The following KMT2D variants were observed in gnomAD, a reference collection of about 807,000 sequenced individuals.
The protein encoded by KMT2D is lysine methyltransferase 2D.
A neutral mutation model predicts 512.7 loss-of-function variants in KMT2D; 55 were observed. That is an observed-to-expected ratio of 0.11 (90% CI 0.09 to 0.13). KMT2D has a LOEUF of 0.13. Ranked by LOEUF, KMT2D falls within the 10% of genes least tolerant of loss-of-function variation. The pLI is 1.00. For synonymous variants in KMT2D, 2,995 were observed against 2,904.0 expected (o/e 1.03, Z -1.01); for missense variants, 6,061 against 7,127.9 (o/e 0.85, Z 5.39).
chr12:49,051,926 T>G lies in KMT2D; in HGVS notation c.1757A>C (p.Glu586Ala). The G allele has an allele frequency of 1.2e-6, 2 of 1,612,630 alleles. No individual in the cohort carries two copies. Among genetic ancestry groups the G allele is most frequent in the Non-Finnish European group, 1.7e-6 (2 of 1,179,574 alleles). The change falls in exon 11 of 55, where the codon GAA becomes GCA. Residue 586 changes from glutamate (E) to alanine (A), a missense_variant. Transcript: ENST00000301067. ...PEESPMSPPP[E>A]ESPMSPPPEA... ...CGGTGGTGGAGACATGGGTGACTCT[T>G]CAGGTGGAGGGGACATGGGTGACTC... is the stretch of plus-strand genomic sequence containing the variant.
chr12:49,042,930 A>T lies in KMT2D; in HGVS notation c.5645-52T>A. On this transcript the variant is annotated intron_variant, in intron 26 of 54. Transcript: ENST00000301067. The surrounding 1 kb of genome is among the most constrained non-coding windows in gnomAD (Gnocchi z 4.4). ...AGGAAGACTGGGAAGTTCAGGTGAC[A>T]CCACAGGTCTACAAATGATCATGGC... is the stretch of plus-strand genomic sequence containing the variant. 1.2e-6 allele frequency: 2 copies of T among 1,607,840 alleles called. No individual in the cohort carries two copies. The highest frequency in any genetic ancestry group is 1.1e-5 in the South Asian group (1 of 90,874).
In KMT2D at chr12:49,049,720, G is replaced by T; in HGVS notation, c.3868C>A (p.Arg1290=). ...SGGKAEGEKG[R]RRSSPARSRI... ...GAACGGGCTGGGGAGCTGCGCCGCC[G>T]CCCCTTCTCCCCCTCAGCTTTGCCT... is the stretch of plus-strand genomic sequence containing the variant. The change falls in exon 12 of 55, where the codon CGG becomes AGG. Residue 1290 remains arginine (R), a synonymous_variant. Transcript: ENST00000301067. The T allele has an allele frequency of 6.2e-7, 1 of 1,601,470 alleles. No homozygotes were observed. The highest frequency in any genetic ancestry group is 2.2e-5 in the East Asian group (1 of 44,534).
chr12:49,052,951 C>A lies in KMT2D; in HGVS notation c.1076G>T (p.Arg359Leu). 1.2e-6 allele frequency: 2 copies of A among 1,613,956 alleles called. No individual in the cohort carries two copies. The highest frequency in any genetic ancestry group is 2.2e-5 in the South Asian group (2 of 91,088). The change falls in exon 9 of 55, where the codon CGC (arginine) becomes CTC (leucine). Residue 359 changes from arginine to leucine, a missense_variant. Physicochemically the swap from Arg to Leu is moderately radical, Grantham distance 102. Coordinates refer to ENST00000301067, the MANE Select transcript of KMT2D (RefSeq NM_003482.4). ...CHKAQGGQTI[R>L]SVAEQHTPVC... ...CGGGGTATGCTGCTCAGCAACGGAG[C>A]GGATAGTCTGACCTCCCTGGGCTTT... is the stretch of plus-strand genomic sequence containing the variant.
At position 49,033,119 on chromosome 12, in the gene KMT2D, T is replaced by C. The variant is rs772252431; in HGVS notation, c.11586A>G (p.Gln3862=). 1.9e-6 allele frequency: 3 copies of C among 1,551,264 alleles called. No individual in the cohort carries two copies. The highest frequency in any genetic ancestry group is 2.7e-5 in the African/African-American group (2 of 73,008). The change falls in exon 40 of 55, where the codon CAA becomes CAG. Residue 3862 remains glutamine (Q), a synonymous_variant. Transcript: ENST00000301067. ...LVTAQQQQQQ[Q]QHQQQGSMAG... Reference sequence around the variant, plus strand: ...CCATGGACCCTTGCTGTTGGTGCTGTTGTTGCTGCTGCTGCTGCTGGGCTG... The same window carrying C: ...CCATGGACCCTTGCTGTTGGTGCTGCTGTTGCTGCTGCTGCTGCTGGGCTG...
chr12:49,031,049 C>T lies in KMT2D; in HGVS notation c.13531-16G>A, dbSNP rs1290720449. 6.2e-7 allele frequency: 1 copy of T among 1,613,596 alleles called. No homozygotes were observed. Among genetic ancestry groups the T allele is most frequent in the Non-Finnish European group, 8.5e-7 (1 of 1,179,856 alleles). On this transcript the variant is annotated splice_polypyrimidine_tract_variant and intron_variant, in intron 40 of 54. Transcript: ENST00000301067. ...CTGCTGCATCCTAAGCCAAATAAGCCCATTGAAGGCTGCTACCCTCCTCCT... is the reference window on the plus strand; with the variant it reads ...CTGCTGCATCCTAAGCCAAATAAGCTCATTGAAGGCTGCTACCCTCCTCCT...
rs1592117310 is a variant in KMT2D, at chr12:49,032,033, T to G, written c.12672A>C (p.Ala4224=). The change falls in exon 40 of 55, where the codon GCA becomes GCC. Residue 4224 remains alanine (A), a synonymous_variant. Transcript: ENST00000301067. ...LSPQQQQQLQ[A]LLMQRQLQQS... ...GCTGCAGCTGCCGCTGCATGAGGAG[T>G]GCCTGTAGCTGCTGCTGCTGCTGAG... The G allele has an allele frequency of 6.2e-7, 1 of 1,612,124 alleles. No homozygotes were observed. The highest frequency in any genetic ancestry group is 2.2e-5 in the East Asian group (1 of 44,806).
chr12:49,050,430 G>C lies in KMT2D; in HGVS notation c.3158C>G (p.Ser1053Cys). 6.2e-7 allele frequency: 1 copy of C among 1,613,992 alleles called. No homozygotes were observed. Among genetic ancestry groups the C allele is most frequent in the Non-Finnish European group, 8.5e-7 (1 of 1,179,862 alleles). Residue 1053 changes from serine to cysteine, a missense_variant, in exon 12 of 55, where the codon TCC becomes TGC. This residue lies in a region of KMT2D where 447 missense variants were observed against 500.1 expected (regional missense o/e 0.89). Coordinates refer to ENST00000301067, the MANE Select transcript of KMT2D (RefSeq NM_003482.4). Reference protein sequence around the residue: ...SPPALPLSVPSPLSPIGKVVG... With the variant: ...SPPALPLSVPCPLSPIGKVVG... ...TACCTTCCCTATGGGACTCAACGGG[G>C]AGGGAACGGACAGTGGTAGGGCAGG...
chr12:49,052,377 C>T lies in KMT2D; in HGVS notation c.1306G>A (p.Glu436Lys), dbSNP rs776768333. The T allele has an allele frequency of 4.5e-6, 7 of 1,541,686 alleles. No individual in the cohort carries two copies. Among genetic ancestry groups the T allele is most frequent in the East Asian group, 2.3e-5 (1 of 44,340 alleles). ...GGTGGGGGCAGCAGTGGCATCTCCT[C>T]GTTTAGGGGGGCCTCCAACTGGGGC... The part of the protein sequence containing the change: ...LEPQLEAPLN[E>K]EMPLLPPPEE... The change falls in exon 11 of 55, where the codon GAG (glutamate) becomes AAG (lysine). Residue 436 changes from glutamate to lysine, a missense_variant. Coordinates refer to ENST00000301067, the MANE Select transcript of KMT2D (RefSeq NM_003482.4).
At position 49,024,004 on chromosome 12, in the gene KMT2D, TCA is replaced by T. The variant is rs776512319; in HGVS notation, c.16052+572_16052+573del. On this transcript the variant is annotated intron_variant, in intron 51 of 54. Transcript: ENST00000301067. The surrounding 1 kb of genome is among the most constrained non-coding windows in gnomAD (Gnocchi z 4.5). ...CCTAGTCATTTAATCTTTCTGGGTCTCAGTTTTCTCAGCTGTAAAATGGGGGT... is the reference window on the plus strand; with the variant it reads ...CCTAGTCATTTAATCTTTCTGGGTCTGTTTTCTCAGCTGTAAAATGGGGGT... 17 of 447,862 alleles carry T rather than the reference TCA, an allele frequency of 3.8e-5. No individual in the cohort carries two copies. The highest frequency in any genetic ancestry group is 1.3e-4 in the South Asian group (8 of 62,556). 27.7% of individuals were successfully genotyped at this position (447,862 alleles called of 1,614,324 possible). A position where few individuals can be genotyped will look rare whatever the true frequency, so the allele number is the denominator to read the frequency against.
rs778185727 is a variant in KMT2D, at chr12:49,041,924, G to T, written c.6176C>A (p.Pro2059His). 6.2e-7 allele frequency: 1 copy of T among 1,606,188 alleles called. No individual in the cohort carries two copies. The highest frequency in any genetic ancestry group is 2.2e-5 in the East Asian group (1 of 44,742). Residue 2059 changes from proline to histidine, a missense_variant, in exon 30 of 55, where the codon CCC (proline) becomes CAC (histidine). Physicochemically the swap from Pro to His is moderately conservative, Grantham distance 77. Transcript: ENST00000301067. This position sits in a 1 kb window ranked among gnomAD's most constrained non-coding sequence, Gnocchi z 5.4. Reference sequence around the variant, plus strand: ...TGCTCCTTTCTGCCTCACCAGGTAGGGGGCTTTGTCAGCTGCTGGAACCTT... The same window carrying T: ...TGCTCCTTTCTGCCTCACCAGGTAGTGGGCTTTGTCAGCTGCTGGAACCTT... ...WRKVPAADKA[P>H]YLQKAKDNRA...
In KMT2D at chr12:49,040,906, C is replaced by T. The variant is rs747315516; in HGVS notation, c.6864G>A (p.Lys2288=). The part of the protein sequence containing the change: ...FGESRKALEV[K]KEELGASSPS... Reference sequence around the variant, plus strand: ...GAGAGGATGCCCCAAGCTCTTCCTTCTTCACCTCTAGGGCCTTCCGGGACT... The same window carrying T: ...GAGAGGATGCCCCAAGCTCTTCCTTTTTCACCTCTAGGGCCTTCCGGGACT... Residue 2288 remains lysine (K), a synonymous_variant, in exon 32 of 55, where the codon AAG becomes AAA. Coordinates refer to ENST00000301067, the MANE Select transcript of KMT2D (RefSeq NM_003482.4). 2.5e-6 allele frequency: 4 copies of T among 1,613,774 alleles called. No individual in the cohort carries two copies. The East Asian group carries it at 8.9e-5, about 36-fold the overall frequency.
At position 49,044,031 on chromosome 12, in the gene KMT2D, TGA is replaced by T. The variant is rs1943668644; in HGVS notation, c.5189-35_5189-34del. The T allele has an allele frequency of 1.6e-5, 25 of 1,611,716 alleles. No homozygotes were observed. The highest frequency in any genetic ancestry group is 2.0e-5 in the Non-Finnish European group (24 of 1,178,326). ...CAGAACGGAAGTGTCAGACTCGGGT[TGA>T]GAGCATGCTGCTCCCAACTTGCAGG... On this transcript the variant is annotated intron_variant, in intron 22 of 54. Coordinates refer to ENST00000301067, the MANE Select transcript of KMT2D (RefSeq NM_003482.4). This position sits in a 1 kb window ranked among gnomAD's most constrained non-coding sequence, Gnocchi z 6.4.
Position 49,042,045 on chromosome 12 carries a change from G to T in KMT2D, c.6109+44C>A. The T allele has an allele frequency of 6.2e-7, 1 of 1,612,154 alleles. No individual in the cohort carries two copies. Among genetic ancestry groups the T allele is most frequent in the Non-Finnish European group, 8.5e-7 (1 of 1,178,490 alleles). ...GACTTGGCAGGCGACTCCTCCACCT[G>T]CCATGTTGCCAGGCTGTCTCCCTTG... On this transcript the variant is annotated intron_variant, in intron 29 of 54. Transcript: ENST00000301067. This position sits in a 1 kb window ranked among gnomAD's most constrained non-coding sequence, Gnocchi z 4.4.
At chr12:49,056,495 A>C (rs1938419082) in intron 1 of KMT2D, among the ~76,000 whole-genome samples, 1 of 152,178 alleles carries the variant, frequency 6.6e-6, no homozygotes, top group Non-Finnish European at 1.5e-5. Flanking sequence ...AAGAATAGGA[A>C]AGGGATTCTA....
chr12:49,051,311 T>C lies in KMT2D; in HGVS notation c.2372A>G (p.Gln791Arg). ...AVPEEPHLSP[Q>R]AEGPHLSPQP... ...AGGGGACAGATGTGGTCCCTCAGCC[T>C]GGGGGGACAAGTGTGGCTCCTCAGG... is the stretch of plus-strand genomic sequence containing the variant. The change falls in exon 11 of 55, where the codon CAG becomes CGG. Residue 791 changes from glutamine to arginine, a missense_variant. Physicochemically the swap from Gln to Arg is conservative, Grantham distance 43. Coordinates refer to ENST00000301067, the MANE Select transcript of KMT2D (RefSeq NM_003482.4). The C allele has an allele frequency of 6.4e-7, 1 of 1,572,688 alleles. No individual in the cohort carries two copies. The highest frequency in any genetic ancestry group is 8.6e-7 in the Non-Finnish European group (1 of 1,157,912).
chr12:49,031,493 T>A lies in KMT2D; in HGVS notation c.13212A>T (p.Gly4404=). The A allele has an allele frequency of 6.2e-7, 1 of 1,613,186 alleles. No homozygotes were observed. Among genetic ancestry groups the A allele is most frequent in the Non-Finnish European group, 8.5e-7 (1 of 1,179,632 alleles). The change falls in exon 40 of 55, where the codon GGA becomes GGT. Residue 4404 remains glycine, a synonymous_variant. Transcript: ENST00000301067. Reference sequence around the variant, plus strand: ...GTTGGGATGCCTCAGGCACCACCTGTCCATTCACCTGGTCCAGATGCCCAG... The same window carrying A: ...GTTGGGATGCCTCAGGCACCACCTGACCATTCACCTGGTCCAGATGCCCAG... The part of the protein sequence containing the change: ...LVPGHLDQVN[G]QVVPEASQLS...
Position 49,019,018 on chromosome 12 carries a change from A to C in KMT2D, c.*2762T>G. On this transcript the variant is annotated 3_prime_UTR_variant, in exon 55 of 55. Coordinates refer to ENST00000301067, the MANE Select transcript of KMT2D (RefSeq NM_003482.4). ...TTTTTTATTTGTCGTTTAAAAACAAACTTGGAAGAAGCAAAATCCAAAACT... is the reference window on the plus strand; with the variant it reads ...TTTTTTATTTGTCGTTTAAAAACAACCTTGGAAGAAGCAAAATCCAAAACT... 1 of 1,388,820 alleles carries C rather than the reference A, an allele frequency of 7.2e-7. No homozygotes were observed. Among genetic ancestry groups the C allele is most frequent in the African/African-American group, 1.5e-5 (1 of 68,112 alleles). 86.0% of individuals were successfully genotyped at this position (1,388,820 alleles called of 1,614,324 possible).
At chr12:49,028,799 C>T (rs749894492) in intron 46 of KMT2D, 29 bp downstream of exon 46, 1 of 1,611,212 alleles carries the variant, frequency 6.2e-7, no homozygotes, top group Non-Finnish European at 8.5e-7. Flanking sequence ...TCAGGTTCCC[C>T]TCAGCCTCGA....
chr12:49,031,161 C>T lies in KMT2D; in HGVS notation c.13530+14G>A, dbSNP rs749389762. Reference sequence around the variant, plus strand: ...GACCCACTCTACCTGCTCCACTCTACTCAGAGTACTCACCTCCTTGTTGCT... The same window carrying T: ...GACCCACTCTACCTGCTCCACTCTATTCAGAGTACTCACCTCCTTGTTGCT... On this transcript the variant is annotated intron_variant, in intron 40 of 54. Coordinates refer to ENST00000301067, the MANE Select transcript of KMT2D (RefSeq NM_003482.4). 6 of 1,607,112 alleles carry T rather than the reference C, an allele frequency of 3.7e-6. No homozygotes were observed. The highest frequency in any genetic ancestry group is 5.1e-6 in the Non-Finnish European group (6 of 1,176,058).
Sources: gnomAD v4.1 joint callset for allele counts (sites outside exome capture counted in the v4.1 genomes callset) on GRCh38, gnomAD v4.1.1 for gene constraint, gnomAD v4.1.1 regional missense constraint, Gnocchi (gnomAD v3.1) non-coding constraint, MANE v1.5 for transcripts, NCBI Gene and HGNC (gene_info 2026-07-23, HGNC 2026-07-21) for gene names.